MUC6: variants seen among roughly 807,000 people sequenced by gnomAD.
The protein encoded by MUC6 is mucin 6, oligomeric mucus/gel-forming (gene/pseudogene).
Under a neutral mutation model 201.5 loss-of-function variants are expected in MUC6, and 188 were observed. The ratio of observed to expected loss-of-function variants is 0.93; its 90% CI spans 0.83 to 1.05. The LOEUF (loss-of-function observed/expected upper bound fraction) is 1.05. Ranked by LOEUF, MUC6 falls within the 50% of genes least tolerant of loss-of-function variation. MUC6 has a pLI of 0.00. For synonymous variants in MUC6, 1,228 were observed against 1,389.4 expected (o/e 0.88, Z 2.58); for missense variants, 2,706 against 3,256.9 (o/e 0.83, Z 4.12).
chr11:1,021,087 G>A, intron 27 of MUC6, 128 bp downstream of exon 27: 1 of 916,932 alleles, frequency 1.1e-6, no homozygotes, highest in Non-Finnish European at 1.6e-6. Flanking sequence ...CCTGGAGAGT[G>A]GAGTCCCAGA....
At chr11:1,023,734 G>A in intron 25 of MUC6, 82 bp from the exon 26 acceptor site, 2 of 1,564,590 alleles carry the variant, frequency 1.3e-6, no homozygotes, top group South Asian at 1.2e-5. Context: ...GGGCATGCAT[G>A]GAACCTGAGT....
intron 24 of MUC6, among the ~76,000 whole-genome samples, 194 bp downstream of exon 24, chr11:1,024,650 C>T (rs1277592198): frequency 6.6e-6 from 1 of 152,194 alleles, no homozygotes; most frequent in African/African-American, 2.4e-5. Context: ...GGCTGCTTAA[C>T]AGCCACAGTG....
chr11:1,029,203 C>A, intron 10 of MUC6, 25 bp downstream of exon 10: 1 of 1,605,852 alleles, frequency 6.2e-7, no homozygotes, highest in East Asian at 2.2e-5. Context: ...GCGCCCCTCC[C>A]CACGGGCCAC....
intron 9 of MUC6, 62 bp from the exon 10 acceptor site, chr11:1,029,428 C>T (rs1424474993): frequency 3.8e-6 from 6 of 1,598,298 alleles, no homozygotes; most frequent in South Asian, 1.1e-5. Context: ...GACAGCACAC[C>T]CCTGCCTGCC....
At position 1,026,354 on chromosome 11, in the gene MUC6, GCTCCTCCA is replaced by G; in HGVS notation, c.2511_2518del (p.Gly838Ter). The G allele has an allele frequency of 6.3e-7, 1 of 1,596,174 alleles. No homozygotes were observed. On this transcript the variant is annotated frameshift_variant, in exon 20 of 33. Transcript: ENST00000421673. LOFTEE classifies it high-confidence loss of function. The stretch of plus-strand genomic sequence containing the variant: ...GGTCCTGCAGTCAGTGTGGAGCTCA[GCTCCTCCA>G]GGGTAGGAGACCCCCGAGAACTCAC...
chr11:1,036,520 T>C (rs1485224061), intron 1 of MUC6, 84 bp downstream of exon 1: 1 of 1,459,236 alleles, frequency 6.9e-7, no homozygotes, highest in Non-Finnish European at 9.3e-7. Flanking sequence ...AGCCGAGTTG[T>C]CGAGGCGAGA....
At chr11:1,015,254 G>A (rs1590035255) in intron 31 of MUC6, among the ~76,000 whole-genome samples, 1 of 152,200 alleles carries the variant, frequency 6.6e-6, no homozygotes, top group African/African-American at 2.4e-5. Context: ...GCATGAGCAC[G>A]AAGGAGCAGG....
chr11:1,018,683 G>T lies in MUC6; in HGVS notation c.4118C>A (p.Thr1373Asn), dbSNP rs757897020. 6.5e-5 allele frequency: 105 copies of T among 1,612,814 alleles called. No individual in the cohort carries two copies. The highest frequency in any genetic ancestry group is 7.6e-5 in the Non-Finnish European group (90 of 1,179,508). Reference protein sequence around the residue: ...RPTPASTTGPTTPQPGQPTRP... With the variant: ...RPTPASTTGPNTPQPGQPTRP... Reference sequence around the variant, plus strand: ...CGTGGGTTGTCCTGGCTGTGGGGTGGTTGGGCCTGTGGTGCTTGCTGGGGT... The same window carrying T: ...CGTGGGTTGTCCTGGCTGTGGGGTGTTTGGGCCTGTGGTGCTTGCTGGGGT... Residue 1373 changes from threonine (T) to asparagine (N), a missense_variant, in exon 31 of 33, where the codon ACC (threonine) becomes AAC (asparagine). This residue lies in a region of MUC6 where 1,850 missense variants were observed against 1,958.3 expected (regional missense o/e 0.94). Coordinates refer to ENST00000421673, the MANE Select transcript of MUC6 (RefSeq NM_005961.3).
At chr11:1,015,639 GC>G (rs1466346239) in intron 31 of MUC6, 122 bp downstream of exon 31, 1 of 1,418,762 alleles carries the variant, frequency 7.0e-7, no homozygotes, top group Non-Finnish European at 9.2e-7. Context: ...TGTAGGGAAG[GC>G]AGGGAACAGG....
chr11:1,016,513 C>G lies in MUC6; in HGVS notation c.6288G>C (p.Gln2096His). ...ATGACGGTGGCCTTGAGCTAGAGTTCTGAGGCAGCCAAGACGAGGAGGATA... is the reference window on the plus strand; with the variant it reads ...ATGACGGTGGCCTTGAGCTAGAGTTGTGAGGCAGCCAAGACGAGGAGGATA... ...SFISSSSWLP[Q>H]NSSSRPPSSP... Residue 2096 changes from glutamine (Q) to histidine (H), a missense_variant, in exon 31 of 33, where the codon CAG (glutamine) becomes CAC (histidine). By Grantham distance (24) the Gln-to-His change is conservative (BLOSUM62 0). Coordinates refer to ENST00000421673, the MANE Select transcript of MUC6 (RefSeq NM_005961.3). The G allele has an allele frequency of 6.4e-7, 1 of 1,571,088 alleles. No homozygotes were observed. The highest frequency in any genetic ancestry group is 8.6e-7 in the Non-Finnish European group (1 of 1,164,582).
At chr11:1,029,016 T>A in intron 11 of MUC6, 30 bp downstream of exon 11, 1 of 1,612,482 alleles carries the variant, frequency 6.2e-7, no homozygotes, top group South Asian at 1.1e-5. Context: ...GGAGCCCTGC[T>A]GGCAGGGATG....
chr11:1,028,857 T>TC, intron 12 of MUC6, 32 bp downstream of exon 12: 1 of 1,610,548 alleles, frequency 6.2e-7, no homozygotes, highest in Non-Finnish European at 8.5e-7. Flanking sequence ...AAGGCACAAC[T>TC]CTGGGGGGCC....
rs372936851 is a variant in MUC6 at position 1,027,730 on chromosome 11, G to T, written c.1936C>A (p.Arg646=). The change falls in exon 16 of 33, where the codon CGG becomes AGG. Residue 646 remains arginine, a synonymous_variant. Transcript: ENST00000421673. ...LGDYVHACSL[R]GVLLWGWRSS... ...CTCCAGCCCCAGAGCAGGACGCCCC[G>T]CAAGGAGCAGGCGTGTACGTAGTCG... 1 of 1,607,288 alleles carries T rather than the reference G, an allele frequency of 6.2e-7. No individual in the cohort carries two copies. The highest frequency in any genetic ancestry group is 8.5e-7 in the Non-Finnish European group (1 of 1,177,568).
chr11:1,019,838 C>G, intron 29 of MUC6: 3 of 663,122 alleles, frequency 4.5e-6, no homozygotes, highest in Non-Finnish European at 7.9e-6. Flanking sequence ...GGCAGAGGCC[C>G]TGCAGGTCCC....
chr11:1,027,342 G>T lies in MUC6; in HGVS notation c.2157C>A (p.Ala719=), dbSNP rs776701069. The change falls in exon 17 of 33, where the codon GCC becomes GCA. Residue 719 remains alanine (A), a synonymous_variant. Transcript: ENST00000421673. The part of the protein sequence containing the change: ...LNQKGECVRK[A]QCPCILEGYK... The stretch of plus-strand genomic sequence containing the variant: ...AACCCTCCAGTATGCACGGGCACTG[G>T]GCCTTGCGCACACACTCGCCCTTTT... The T allele has an allele frequency of 9.3e-6, 15 of 1,612,974 alleles. No homozygotes were observed. The South Asian group carries it at 1.6e-4, about 18-fold the overall frequency.
intron 1 of MUC6, among the ~76,000 whole-genome samples, chr11:1,036,105 C>G (rs1303855860): frequency 2.0e-5 from 3 of 152,076 alleles, no homozygotes; most frequent in African/African-American, 7.2e-5. Flanking sequence ...CACCTTCCCC[C>G]CTCTTCCCCC....
rs1857145384 is a variant in MUC6 at position 1,033,016 on chromosome 11, T to C, written c.112A>G (p.Thr38Ala). ...GLQRLKDSPQ[T>A]APDKGQCSTW... is the part of the protein sequence containing the mutation. ...TCAGTGGCCGCTGTGTTCTTACCTG[T>C]CTGTGGAGAGTCCTTCAGCCTCTGG... is the stretch of plus-strand genomic sequence containing the variant. Residue 38 changes from threonine to alanine, a missense_variant, in exon 2 of 33, where the codon ACA (threonine) becomes GCA (alanine). Around this residue, in one of 10 missense-constraint regions of MUC6, gnomAD observed 1,850 missense variants for 1,958.3 expected, o/e 0.94. Transcript: ENST00000421673. The surrounding 1 kb of genome is among the most constrained non-coding windows in gnomAD (Gnocchi z 5.6). The C allele has an allele frequency of 6.3e-7, 1 of 1,599,754 alleles. No homozygotes were observed. The highest frequency in any genetic ancestry group is 8.6e-7 in the Non-Finnish European group (1 of 1,169,228).
intron 27 of MUC6, among the ~76,000 whole-genome samples, chr11:1,020,952 GGGGAGCT>G (rs1405140224): frequency 2.0e-5 from 3 of 152,164 alleles, no homozygotes; most frequent in Non-Finnish European, 4.4e-5. Flanking sequence ...GTGAGGGTAG[GGGGAGCT>G]GGGAGCTGGT....
In MUC6 at chr11:1,013,136, G is replaced by C. The variant is rs1856514659; in HGVS notation, c.*320C>G. The C allele has an allele frequency of 4.9e-6, 2 of 407,616 alleles. No individual in the cohort carries two copies. The highest frequency in any genetic ancestry group is 8.5e-5 in the South Asian group (2 of 23,570). The allele number at this position is 407,616 out of a possible 1,614,324, so 25.2% of individuals were successfully genotyped here. A position where few individuals can be genotyped will look rare whatever the true frequency, so the allele number is the denominator to read the frequency against. On this transcript the variant is annotated 3_prime_UTR_variant, in exon 33 of 33. Coordinates refer to ENST00000421673, the MANE Select transcript of MUC6 (RefSeq NM_005961.3). ...AGGGTTCTGGGCCCAGCAGGGCTGG[G>C]GCCAAGTTCAGGGGCTGGGAGGTGT...
Sources: gnomAD v4.1 joint callset for allele counts (sites outside exome capture counted in the v4.1 genomes callset) on GRCh38, gnomAD v4.1.1 for gene constraint, gnomAD v4.1.1 regional missense constraint, Gnocchi (gnomAD v3.1) non-coding constraint, MANE v1.5 for transcripts, NCBI Gene and HGNC (gene_info 2026-07-23, HGNC 2026-07-21) for gene names.